Variants in FAM107B observed in about 807,000 individuals in gnomAD.
FAM107B encodes the protein family with sequence similarity 107 member B, also known as protein FAM107B.
In FAM107B, 21 loss-of-function variants were observed where a neutral mutation model predicts 31.5. The ratio of observed to expected loss-of-function variants is 0.67; its 90% confidence interval spans 0.47 to 0.96. FAM107B has a LOEUF of 0.96. Ranked by LOEUF, FAM107B falls within the 40% of genes least tolerant of loss-of-function variation. FAM107B has a pLI of 0.00. For synonymous variants in FAM107B, 157 were observed against 141.5 expected (o/e 1.11, Z -0.78); for missense variants, 452 against 377.1 (o/e 1.20, Z -1.64).
At chr10:14,623,692 A>T (rs1051639708) in intron 2 of FAM107B, among the ~76,000 whole-genome samples, 3 of 152,106 alleles carry the variant, frequency 2.0e-5, no homozygotes, top group Admixed American at 6.5e-5. Flanking sequence ...TGGGCGTGGT[A>T]GTGCAGGTCT....
intron 1 of FAM107B, among the ~76,000 whole-genome samples, chr10:14,757,246 G>A (rs922016460): frequency 6.6e-5 from 10 of 151,434 alleles, no homozygotes; most frequent in African/African-American, 2.4e-4. Context: ...TTTGTTTAAT[G>A]CATCCTATGT....
At chr10:14,665,464 G>A (rs909544655) in intron 2 of FAM107B, among the ~76,000 whole-genome samples, 1 of 152,202 alleles carries the variant, frequency 6.6e-6, no homozygotes, top group African/African-American at 2.4e-5. Flanking sequence ...GTGAACAAAT[G>A]TTCTCAGAAC....
Position 14,611,831 on chromosome 10 carries a change from A to G in FAM107B, c.469+55803T>C, listed in dbSNP as rs1852734714. Among the ~76,000 whole-genome samples, 3 of 152,060 alleles carry G rather than the reference A, an allele frequency of 2.0e-5. No individual in the cohort carries two copies. The East Asian group carries it at 5.8e-4, about 29-fold the overall frequency. On this transcript the variant is annotated intron_variant, in intron 2 of 4. Transcript: ENST00000181796. ...TCATTCATTTATAAATATGTATAAAAATATATATGCATAAATTTTTCCTTG... is the reference window on the plus strand; with the variant it reads ...TCATTCATTTATAAATATGTATAAAGATATATATGCATAAATTTTTCCTTG...
At chr10:14,749,734 C>T (rs192390607) in intron 1 of FAM107B, among the ~76,000 whole-genome samples, 2 of 152,266 alleles carry the variant, frequency 1.3e-5, no homozygotes, top group African/African-American at 4.8e-5. Context: ...GCAGGGGCAC[C>T]ATCCTCCCTA....
chr10:14,626,838 C>A lies in FAM107B; in HGVS notation c.469+40796G>T, dbSNP rs1323583124. 3.3e-5 allele frequency among the ~76,000 whole-genome samples: 5 copies of A among 152,078 alleles called. No homozygotes were observed. In the East Asian group the frequency reaches 9.6e-4, roughly 29 times the overall value. ...CGTGTATCTCAGCAAAGCTCTTTGGCCTTGCATAAAAAGTACTATGGAGCA... is the reference window on the plus strand; with the variant it reads ...CGTGTATCTCAGCAAAGCTCTTTGGACTTGCATAAAAAGTACTATGGAGCA... On this transcript the variant is annotated intron_variant, in intron 2 of 4. Transcript: ENST00000181796.
chr10:14,594,914 A>T (rs1852137896), intron 2 of FAM107B, among the ~76,000 whole-genome samples: 1 of 152,182 alleles, frequency 6.6e-6, no homozygotes, highest in African/African-American at 2.4e-5. Context: ...GGTATCTCTT[A>T]TGATAGATGA....
At chr10:14,739,039 T>A (rs1425823616) in intron 1 of FAM107B, among the ~76,000 whole-genome samples, 2 of 152,188 alleles carry the variant, frequency 1.3e-5, no homozygotes, top group African/African-American at 2.4e-5. Context: ...GCCTTATGGT[T>A]TACACTTTTC....
At chr10:14,767,957 G>C (rs1293828673) in intron 1 of FAM107B, among the ~76,000 whole-genome samples, 1 of 152,122 alleles carries the variant, frequency 6.6e-6, no homozygotes, top group Non-Finnish European at 1.5e-5. Flanking sequence ...CAGCAAAATT[G>C]TAAGATAAAG....
At chr10:14,619,678 T>C (rs1564602629) in intron 2 of FAM107B, among the ~76,000 whole-genome samples, 1 of 148,762 alleles carries the variant, frequency 6.7e-6, no homozygotes, top group African/African-American at 2.5e-5. Flanking sequence ...TATCCATGCC[T>C]TCTTTTACGA....
chr10:14,572,364 C>T (rs1032813617), intron 2 of FAM107B: 1 of 985,408 alleles, frequency 1.0e-6, no homozygotes, highest in African/African-American at 1.7e-5. Flanking sequence ...AACACTCACA[C>T]AACCTGACTG....
intron 2 of FAM107B, chr10:14,572,336 G>A (rs750405726): frequency 7.1e-6 from 7 of 985,438 alleles, no homozygotes; most frequent in Non-Finnish European, 8.4e-6. Flanking sequence ...CTCCAGCCCT[G>A]GGTGGGTACC....
chr10:14,644,001 G>C (rs1343617332), intron 2 of FAM107B, among the ~76,000 whole-genome samples: 1 of 151,990 alleles, frequency 6.6e-6, no homozygotes, highest in Non-Finnish European at 1.5e-5. Context: ...AGCTGCTATT[G>C]TATTACTTAC....
chr10:14,625,318 C>A (rs1365941479), intron 2 of FAM107B, among the ~76,000 whole-genome samples: 3 of 151,334 alleles, frequency 2.0e-5, no homozygotes, highest in Non-Finnish European at 4.4e-5. Context: ...AATTTTTCAA[C>A]CTGCCATGAA....
chr10:14,768,517 G>T (rs1224867179), intron 1 of FAM107B, among the ~76,000 whole-genome samples: 1 of 152,180 alleles, frequency 6.6e-6, no homozygotes, highest in Non-Finnish European at 1.5e-5. Flanking sequence ...TTCAACAAGG[G>T]TGCCAAGACC....
At chr10:14,633,675 G>A (rs937604166) in intron 2 of FAM107B, among the ~76,000 whole-genome samples, 7 of 152,060 alleles carry the variant, frequency 4.6e-5, no homozygotes, top group African/African-American at 1.7e-4. Flanking sequence ...ACAAATTTTT[G>A]TTGAGCCAGT....
At chr10:14,707,296 T>A (rs1278899687) in intron 1 of FAM107B, among the ~76,000 whole-genome samples, 1 of 152,204 alleles carries the variant, frequency 6.6e-6, no homozygotes, top group Non-Finnish European at 1.5e-5. Flanking sequence ...TGCCACCTCC[T>A]AAGTGAGTTC....
At chr10:14,546,425 T>C (rs181003164) in intron 2 of FAM107B, among the ~76,000 whole-genome samples, 49 of 152,374 alleles carry the variant, frequency 3.2e-4, no homozygotes, top group African/African-American at 1.2e-3. Context: ...GATCAGTAAC[T>C]GGATGGCATC....
In FAM107B at chr10:14,541,556, TC is replaced by T. The variant is rs537274559; in HGVS notation, c.470-11042del. On this transcript the variant is annotated intron_variant, in intron 2 of 4. Transcript: ENST00000181796. ...GCTCACAGCCTGCCTCCCCGAGTCT[TC>T]CCGGGGCCTCTCCTCCGGAGACATG... Among the ~76,000 whole-genome samples, 18 of 152,216 alleles carry T rather than the reference TC, an allele frequency of 1.2e-4. No individual in the cohort carries two copies. The East Asian group carries it at 3.3e-3, about 28-fold the overall frequency.
At chr10:14,708,915 GATTAAAACA>G (rs1172489322) in intron 1 of FAM107B, among the ~76,000 whole-genome samples, 3 of 38,852 alleles carry the variant, frequency 7.7e-5, no homozygotes, top group African/African-American at 2.3e-4. Context: ...GGGAATTGCA[GATTAAAACA>G]ATGGAAAATT....
Sources: gnomAD v4.1 joint callset for allele counts (sites outside exome capture counted in the v4.1 genomes callset) on GRCh38, gnomAD v4.1.1 for gene constraint, MANE v1.5 for transcripts, NCBI Gene and HGNC (gene_info 2026-07-23, HGNC 2026-07-21) for gene names.